The following ZNF385B variants were observed in gnomAD, a reference collection of about 807,000 sequenced individuals.
ZNF385B encodes zinc finger protein 385B, also known as zinc finger protein 533.
In ZNF385B, 23 loss-of-function variants were observed where a neutral mutation model predicts 39.2. The ratio of observed to expected loss-of-function variants is 0.59; its 90% CI spans 0.42 to 0.83. The LOEUF is 0.83. Among genes scored for constraint, ZNF385B ranks in the 40% least tolerant of loss-of-function variants. ZNF385B has a pLI of 0.00. For synonymous variants in ZNF385B, 205 were observed against 222.6 expected (o/e 0.92, Z 0.70); for missense variants, 552 against 598.9 (o/e 0.92, Z 0.82).
chr2:179,789,155 G>C (rs1339156494), intron 1 of ZNF385B, among the ~76,000 whole-genome samples: 1 of 150,282 alleles, frequency 6.7e-6, no homozygotes, highest in African/African-American at 2.4e-5. Context: ...TTCTATTATA[G>C]AAAAAAAAAC....
At chr2:179,471,367 C>T (rs2052758549) in intron 6 of ZNF385B, among the ~76,000 whole-genome samples, 1 of 152,136 alleles carries the variant, frequency 6.6e-6, no homozygotes, top group African/African-American at 2.4e-5. Flanking sequence ...TCACACTAAA[C>T]AGGAGTTTTC....
chr2:179,784,339 A>G (rs935183585), intron 1 of ZNF385B, among the ~76,000 whole-genome samples: 16 of 152,088 alleles, frequency 1.1e-4, no homozygotes, highest in African/African-American at 7.2e-5. Flanking sequence ...GGGAAGAGGG[A>G]GAGCAGCAGA....
chr2:179,712,385 AAT>A (rs1383263977), intron 3 of ZNF385B, among the ~76,000 whole-genome samples: 5 of 152,222 alleles, frequency 3.3e-5, no homozygotes, highest in Non-Finnish European at 5.9e-5. Context: ...CACGAAACAG[AAT>A]ATGTTAAACT....
At chr2:179,585,635 T>C (rs1301608615) in intron 3 of ZNF385B, among the ~76,000 whole-genome samples, 5 of 152,180 alleles carry the variant, frequency 3.3e-5, no homozygotes, top group African/African-American at 1.2e-4. Flanking sequence ...ATTGAGAGGT[T>C]TCAGTATGTA....
chr2:179,803,792 G>A (rs1706180966), intron 1 of ZNF385B, among the ~76,000 whole-genome samples: 1 of 152,046 alleles, frequency 6.6e-6, no homozygotes, highest in South Asian at 2.1e-4. Context: ...AATACAGCCA[G>A]TAACAGAGCA....
intron 3 of ZNF385B, among the ~76,000 whole-genome samples, chr2:179,606,964 G>C (rs113303440): frequency 6.6e-6 from 1 of 152,074 alleles, no homozygotes; most frequent in Non-Finnish European, 1.5e-5. Context: ...TCTTGGACTT[G>C]CCCCACTCTG....
At chr2:179,480,236 G>A (rs545146229) in intron 6 of ZNF385B, among the ~76,000 whole-genome samples, 8 of 152,310 alleles carry the variant, frequency 5.3e-5, no homozygotes, top group Non-Finnish European at 1.0e-4. Context: ...TCAGTCCCAT[G>A]AGATTTGCAA....
At chr2:179,716,916 CACCAGCTACTGCCTACCTATAACCATA>C (rs576069572) in intron 3 of ZNF385B, among the ~76,000 whole-genome samples, 176 of 152,326 alleles carry the variant, frequency 1.2e-3, no homozygotes, top group African/African-American at 3.9e-3. Context: ...GCTGTTCTAG[CACCAGCTACTGCCTACCTATAACCATA>C]TGTCAGCCTC....
intron 5 of ZNF385B, among the ~76,000 whole-genome samples, chr2:179,504,194 A>G (rs1236006143): frequency 6.6e-6 from 1 of 151,810 alleles, no homozygotes; most frequent in Non-Finnish European, 1.5e-5. Flanking sequence ...TGTCCCTACA[A>G]AGGACATGAA....
rs61744327 is a variant in ZNF385B at position 179,769,594 on chromosome 2, G to T, written c.207C>A (p.Asn69Lys). The T allele has an allele frequency of 6.2e-7, 1 of 1,614,018 alleles. No individual in the cohort carries two copies. Among genetic ancestry groups the T allele is most frequent in the Non-Finnish European group, 8.5e-7 (1 of 1,180,042 alleles). ...TCACTCGTTTGCGGTGGGATTTGCCGTTGGAATGCACCTGAGCCTGGGCTG... is the reference window on the plus strand; with the variant it reads ...TCACTCGTTTGCGGTGGGATTTGCCTTTGGAATGCACCTGAGCCTGGGCTG... ...NSAAQAQVHS[N>K]GKSHRKRVKQ... Residue 69 changes from asparagine (N) to lysine (K), a missense_variant, in exon 3 of 10, where the codon AAC becomes AAA. Physicochemically the swap from Asn to Lys is moderately conservative, Grantham distance 94. Coordinates refer to ENST00000410066, the MANE Select transcript of ZNF385B (RefSeq NM_152520.6).
At chr2:179,588,075 AG>A (rs1023615463) in intron 3 of ZNF385B, among the ~76,000 whole-genome samples, 9 of 152,156 alleles carry the variant, frequency 5.9e-5, no homozygotes, top group Non-Finnish European at 1.2e-4. Context: ...AGCATTTGGC[AG>A]GCCCTTCTCT....
intron 3 of ZNF385B, among the ~76,000 whole-genome samples, chr2:179,591,722 TC>T (rs869098433): frequency 2.0e-5 from 3 of 151,998 alleles, no homozygotes; most frequent in Non-Finnish European, 4.4e-5. Flanking sequence ...CTCTCTTTTT[TC>T]CCCCCATAAA....
At chr2:179,488,179 C>T (rs1047121732) in intron 5 of ZNF385B, among the ~76,000 whole-genome samples, 7 of 152,098 alleles carry the variant, frequency 4.6e-5, no homozygotes, top group African/African-American at 1.7e-4. Context: ...GAGCCTCACT[C>T]TGTTGCCAGG....
At chr2:179,470,300 G>T (rs1467217811) in intron 6 of ZNF385B, among the ~76,000 whole-genome samples, 2 of 152,158 alleles carry the variant, frequency 1.3e-5, no homozygotes, top group Non-Finnish European at 2.9e-5. Context: ...TTTGATATTG[G>T]GTGCTAAGTG....
chr2:179,524,537 GC>G (rs2058742561), intron 4 of ZNF385B, among the ~76,000 whole-genome samples: 1 of 109,666 alleles, frequency 9.1e-6, no homozygotes, highest in Admixed American at 1.1e-4. Context: ...GGGTGACAGA[GC>G]GAGACTCCGT....
At chr2:179,510,689 A>G (rs1434933985) in intron 5 of ZNF385B, among the ~76,000 whole-genome samples, 1 of 152,150 alleles carries the variant, frequency 6.6e-6, no homozygotes, top group East Asian at 1.9e-4. Context: ...TCATAAATAA[A>G]TTACAAATGT....
At chr2:179,536,445 G>T (rs2059571393) in intron 4 of ZNF385B, 1 of 152,186 alleles carries the variant, frequency 6.6e-6, no homozygotes, top group Non-Finnish European at 1.5e-5. Context: ...CCAGAACCAT[G>T]TGACATTGGG....
At chr2:179,551,441 C>T (rs559063242) in intron 3 of ZNF385B, among the ~76,000 whole-genome samples, 1 of 146,484 alleles carries the variant, frequency 6.8e-6, no homozygotes, top group African/African-American at 2.6e-5. Context: ...AAGGTGTGGG[C>T]CAAGCTGGCT....
intron 1 of ZNF385B, among the ~76,000 whole-genome samples, chr2:179,820,163 A>G (rs185848136): frequency 3.9e-4 from 60 of 152,210 alleles, no homozygotes; most frequent in African/African-American, 1.4e-3. Flanking sequence ...TTTTAAAATA[A>G]AAGTTTGATA....
Sources: allele counts gnomAD v4.1 joint callset (sites outside exome capture counted in the v4.1 genomes callset), GRCh38; gene constraint gnomAD v4.1.1; transcripts MANE v1.5; gene names NCBI Gene and HGNC (gene_info 2026-07-23, HGNC 2026-07-21).